Variants in IL19 observed in about 807,000 individuals in gnomAD.
IL19 encodes the protein interleukin-19.
A neutral mutation model predicts 19.5 loss-of-function variants in IL19; 15 were observed. That is an observed-to-expected ratio of 0.77 (90% confidence interval 0.52 to 1.19). The LOEUF is 1.19. Ranked by LOEUF, IL19 falls within the 50% of genes most tolerant of loss-of-function variation. The pLI, the probability that IL19 is intolerant of heterozygous loss-of-function variation, is 0.00. For synonymous variants in IL19, 78 were observed against 78.3 expected (o/e 1.00, Z 0.02); for missense variants, 199 against 213.1 (o/e 0.93, Z 0.41).
At chr1:206,822,295 C>T (rs1449114081) in intron 2 of IL19, among the ~76,000 whole-genome samples, 1 of 152,058 alleles carries the variant, frequency 6.6e-6, no homozygotes, top group African/African-American at 2.4e-5. Context: ...GCAGGGCCCA[C>T]GAAGAGCCAT....
chr1:206,772,748 T>C (rs757919382), intron 1 of IL19, among the ~76,000 whole-genome samples: 2 of 152,198 alleles, frequency 1.3e-5, no homozygotes, highest in African/African-American at 2.4e-5. Flanking sequence ...AGCTTCTCAA[T>C]TAAAAAAAGT....
Position 206,798,992 on chromosome 1 carries a change from G to A in IL19, c.-17G>A. 6.2e-7 allele frequency: 1 copy of A among 1,612,410 alleles called. No individual in the cohort carries two copies. The highest frequency in any genetic ancestry group is 8.5e-7 in the Non-Finnish European group (1 of 1,178,514). ...CATGTGTGTGTGCCAGTGCTTTGGG[G>A]CTCTGTTCCACGGGGTAAGTAATTT... On this transcript the variant is annotated 5_prime_UTR_variant, in exon 2 of 7. Transcript: ENST00000659997.
intron 4 of IL19, among the ~76,000 whole-genome samples, chr1:206,837,594 A>C (rs1266723807): frequency 6.6e-6 from 1 of 150,792 alleles, no homozygotes; most frequent in East Asian, 2.0e-4. Context: ...TATGCCTGTA[A>C]TTTCAGCATT....
At chr1:206,812,952 C>T (rs1376808303) in intron 2 of IL19, among the ~76,000 whole-genome samples, 1 of 152,158 alleles carries the variant, frequency 6.6e-6, no homozygotes, top group Admixed American at 6.5e-5. Context: ...CAAACGGATA[C>T]AATGACTTGA....
intron 2 of IL19, among the ~76,000 whole-genome samples, chr1:206,824,547 G>C (rs2056226): frequency 0.78 from 117,844 of 152,024 alleles, 46,218 homozygotes; most frequent in African/African-American, 0.82. Flanking sequence ...ATGTTATACT[G>C]TCTGTTCCTC....
intron 2 of IL19, among the ~76,000 whole-genome samples, chr1:206,811,112 T>C (rs1227556599): frequency 6.6e-6 from 1 of 151,996 alleles, no homozygotes; most frequent in Non-Finnish European, 1.5e-5. Context: ...TAGACTAAGA[T>C]AAATACCATA....
chr1:206,814,161 T>C (rs961995440), intron 2 of IL19, among the ~76,000 whole-genome samples: 1 of 152,228 alleles, frequency 6.6e-6, no homozygotes. Flanking sequence ...ATCTCCTGAT[T>C]GAACTCTAAC....
chr1:206,838,845 C>T (rs756300748), intron 4 of IL19, among the ~76,000 whole-genome samples: 2 of 146,870 alleles, frequency 1.4e-5, no homozygotes, highest in Non-Finnish European at 3.0e-5. Context: ...CTTTTTTCTG[C>T]AGTGTTCCTT....
At chr1:206,807,885 T>C (rs1363786689) in intron 2 of IL19, among the ~76,000 whole-genome samples, 1 of 151,950 alleles carries the variant, frequency 6.6e-6, no homozygotes, top group Non-Finnish European at 1.5e-5. Context: ...GTTATGGGAA[T>C]TGATTTAACT....
intron 2 of IL19, among the ~76,000 whole-genome samples, chr1:206,826,694 T>C (rs1220377036): frequency 6.6e-6 from 1 of 152,106 alleles, no homozygotes; most frequent in African/African-American, 2.4e-5. Context: ...ATTTTAACAA[T>C]AAGAGGAAAA....
intron 2 of IL19, among the ~76,000 whole-genome samples, chr1:206,800,812 T>G (rs960758408): frequency 6.6e-6 from 1 of 152,220 alleles, no homozygotes; most frequent in Non-Finnish European, 1.5e-5. Context: ...GCCGTGTGTG[T>G]TAAGTCCGGG....
intron 2 of IL19, among the ~76,000 whole-genome samples, chr1:206,827,696 A>G (rs1409633232): frequency 1.6e-4 from 5 of 31,620 alleles, no homozygotes; most frequent in Non-Finnish European, 4.6e-4. Context: ...CTCAAAAAAC[A>G]AAACAAAACA....
intron 1 of IL19, among the ~76,000 whole-genome samples, chr1:206,778,976 G>T (rs186575887): frequency 1.2e-3 from 182 of 152,268 alleles, no homozygotes; most frequent in Admixed American, 0.012. Context: ...GGCAGGACTG[G>T]CTTGTCTGTC....
At chr1:206,800,103 T>C (rs2102460230) in intron 2 of IL19, among the ~76,000 whole-genome samples, 1 of 152,374 alleles carries the variant, frequency 6.6e-6, no homozygotes, top group African/African-American at 2.4e-5. Context: ...TTCATTTCAC[T>C]GAATTGTCCA....
chr1:206,798,136 C>T (rs912342968), intron 1 of IL19, among the ~76,000 whole-genome samples: 7 of 152,164 alleles, frequency 4.6e-5, no homozygotes, highest in Admixed American at 3.9e-4. Context: ...CTGCCTAGTT[C>T]CTCTTTTAAT....
At chr1:206,823,397 CA>C (rs1461119688) in intron 2 of IL19, among the ~76,000 whole-genome samples, 1 of 151,072 alleles carries the variant, frequency 6.6e-6, no homozygotes, top group Admixed American at 6.6e-5. Flanking sequence ...ACTAAAAATA[CA>C]AAAAAAATTA....
chr1:206,813,101 C>A (rs1450636549), intron 2 of IL19, among the ~76,000 whole-genome samples: 1 of 152,142 alleles, frequency 6.6e-6, no homozygotes, highest in Non-Finnish European at 1.5e-5. Context: ...GTAATGGATG[C>A]TAAATAGCCA....
At chr1:206,830,704 G>A (rs572379869) in intron 2 of IL19, among the ~76,000 whole-genome samples, 91 of 152,076 alleles carry the variant, frequency 6.0e-4, no homozygotes, top group Non-Finnish European at 1.2e-3. Flanking sequence ...TCTGCCTGCC[G>A]AGTAGCTGGA....
chr1:206,811,343 C>T (rs1235905315), intron 2 of IL19, among the ~76,000 whole-genome samples: 1 of 150,730 alleles, frequency 6.6e-6, no homozygotes, highest in African/African-American at 2.4e-5. Context: ...ACTCAGGAGG[C>T]TGAGGCGGGA....
Sources: gnomAD v4.1 joint callset for allele counts (sites outside exome capture counted in the v4.1 genomes callset) on GRCh38, gnomAD v4.1.1 for gene constraint, MANE v1.5 for transcripts, NCBI Gene and HGNC (gene_info 2026-07-23, HGNC 2026-07-21) for gene names.